Variants in GRID2 observed in about 807,000 individuals in gnomAD.
The protein encoded by GRID2 is glutamate receptor ionotropic, delta-2.
In GRID2, 33 loss-of-function variants were observed where a neutral mutation model predicts 114.8. That is an observed-to-expected ratio of 0.29 (90% CI 0.22 to 0.38). The LOEUF (loss-of-function observed/expected upper bound fraction) is 0.38. Ranked by LOEUF, GRID2 falls within the 10% of genes least tolerant of loss-of-function variation. GRID2 has a pLI of 1.00. For missense variants in GRID2, 1,184 were observed against 1,257.7 expected (o/e 0.94, Z 0.89); for synonymous variants, 505 against 449.9 (o/e 1.12, Z -1.55).
chr4:92,437,399 C>T (rs1468146481), intron 1 of GRID2, among the ~76,000 whole-genome samples: 4 of 152,150 alleles, frequency 2.6e-5, no homozygotes, highest in Non-Finnish European at 5.9e-5. Context: ...CATGTCTTGG[C>T]CTCCCATGAA....
intron 2 of GRID2, among the ~76,000 whole-genome samples, chr4:92,921,838 A>C (rs577530662): frequency 6.6e-6 from 1 of 152,162 alleles, no homozygotes; most frequent in Admixed American, 6.5e-5. Flanking sequence ...CAGATCTCCA[A>C]CTGCATGCTG....
At chr4:92,395,037 C>A (rs1339341679) in intron 1 of GRID2, among the ~76,000 whole-genome samples, 1 of 151,434 alleles carries the variant, frequency 6.6e-6, no homozygotes, top group Admixed American at 6.6e-5. Flanking sequence ...GTAACTAACA[C>A]ATTAAAATTA....
intron 2 of GRID2, among the ~76,000 whole-genome samples, chr4:92,826,487 T>C (rs1250778877): frequency 6.6e-6 from 1 of 152,108 alleles, no homozygotes; most frequent in African/African-American, 2.4e-5. Context: ...ATCTCATTTG[T>C]GGTCTGTTAT....
intron 2 of GRID2, among the ~76,000 whole-genome samples, chr4:92,979,058 A>G (rs999594215): frequency 3.9e-5 from 6 of 151,992 alleles, no homozygotes; most frequent in African/African-American, 1.4e-4. Context: ...AAAATAAATT[A>G]TACTCGTGCT....
chr4:92,436,203 A>G (rs934805742), intron 1 of GRID2, among the ~76,000 whole-genome samples: 1 of 152,134 alleles, frequency 6.6e-6, no homozygotes, highest in Non-Finnish European at 1.5e-5. Context: ...AATAATGGCA[A>G]TGTGTACAGG....
intron 8 of GRID2, among the ~76,000 whole-genome samples, chr4:93,350,132 G>A (rs867940089): frequency 3.3e-5 from 5 of 152,044 alleles, no homozygotes; most frequent in African/African-American, 1.2e-4. Flanking sequence ...AGACTGCTGA[G>A]CTGTCAGCAA....
chr4:92,528,898 G>C (rs1277682198), intron 1 of GRID2, among the ~76,000 whole-genome samples: 1 of 151,376 alleles, frequency 6.6e-6, no homozygotes, highest in Non-Finnish European at 1.5e-5. Flanking sequence ...AAAGAAGTAG[G>C]AATAAGCAAA....
chr4:92,351,289 A>G (rs1728056909), intron 1 of GRID2, among the ~76,000 whole-genome samples: 1 of 151,862 alleles, frequency 6.6e-6, no homozygotes. Context: ...TTATATTTCT[A>G]CAAGCAATGT....
intron 11 of GRID2, among the ~76,000 whole-genome samples, chr4:93,483,974 C>T (rs897053110): frequency 2.0e-5 from 3 of 151,410 alleles, no homozygotes; most frequent in African/African-American, 7.3e-5. Context: ...TTGTCCTTTA[C>T]CTAATTCTCT....
At chr4:93,223,952 G>A (rs376371839) in intron 6 of GRID2, among the ~76,000 whole-genome samples, 1 of 152,076 alleles carries the variant, frequency 6.6e-6, no homozygotes, top group East Asian at 1.9e-4. Context: ...GAAGAAGAAA[G>A]TATTAATGTA....
intron 4 of GRID2, among the ~76,000 whole-genome samples, chr4:93,149,426 A>G (rs1184496529): frequency 6.6e-6 from 1 of 152,040 alleles, no homozygotes; most frequent in Non-Finnish European, 1.5e-5. Flanking sequence ...ATACAAAAAA[A>G]TTAGCCAAGT....
At chr4:92,334,986 G>A (rs1727089662) in intron 1 of GRID2, among the ~76,000 whole-genome samples, 1 of 152,116 alleles carries the variant, frequency 6.6e-6, no homozygotes, top group African/African-American at 2.4e-5. Flanking sequence ...TCTGTTCAAA[G>A]TTGATTTAGT....
chr4:93,324,704 C>T (rs1009928896), intron 8 of GRID2, among the ~76,000 whole-genome samples: 5 of 152,084 alleles, frequency 3.3e-5, no homozygotes, highest in Admixed American at 2.0e-4. Context: ...ATTATTGCCT[C>T]AATTTCAGAG....
At chr4:92,447,094 T>C (rs968234530) in intron 1 of GRID2, among the ~76,000 whole-genome samples, 5 of 152,220 alleles carry the variant, frequency 3.3e-5, no homozygotes, top group Non-Finnish European at 7.3e-5. Flanking sequence ...GATATTACTT[T>C]AATATTTTAA....
chr4:93,184,507 CAAAAAAAA>C (rs1170737672), intron 4 of GRID2, among the ~76,000 whole-genome samples: 1 of 79,576 alleles, frequency 1.3e-5, no homozygotes, highest in Non-Finnish European at 2.9e-5. Context: ...TATTATTTCT[CAAAAAAAA>C]AAAAAAAAAA....
At chr4:93,789,624 C>G (rs1276827452) in intron 1 of GRID2, among the ~76,000 whole-genome samples, 2 of 152,140 alleles carry the variant, frequency 1.3e-5, no homozygotes, top group East Asian at 3.9e-4. Flanking sequence ...GTAAAACTTC[C>G]AAATGGCCTC....
At chr4:93,742,165 C>G (rs1731478947) in intron 14 of GRID2, among the ~76,000 whole-genome samples, 1 of 152,030 alleles carries the variant, frequency 6.6e-6, no homozygotes, top group South Asian at 2.1e-4. Context: ...TAAATTGCCC[C>G]CAAATATACC....
intron 2 of GRID2, among the ~76,000 whole-genome samples, chr4:93,056,249 G>T (rs1211676765): frequency 6.6e-6 from 1 of 151,892 alleles, no homozygotes; most frequent in African/African-American, 2.4e-5. Context: ...GGTCAGATCT[G>T]CACATTGATT....
At chr4:93,088,883 T>C (rs1330196496) in intron 3 of GRID2, among the ~76,000 whole-genome samples, 1 of 152,102 alleles carries the variant, frequency 6.6e-6, no homozygotes, top group Non-Finnish European at 1.5e-5. Flanking sequence ...ACAGAGCCTA[T>C]GATCTTAATC....
Sources: allele counts gnomAD v4.1 joint callset (sites outside exome capture counted in the v4.1 genomes callset), GRCh38; gene constraint gnomAD v4.1.1; transcripts MANE v1.5; gene names NCBI Gene and HGNC (gene_info 2026-07-23, HGNC 2026-07-21).